TBC1D22A: variants seen among roughly 807,000 people sequenced by gnomAD.
TBC1D22A encodes the protein TBC1 domain family member 22A.
A neutral mutation model predicts 60.2 loss-of-function variants in TBC1D22A; 38 were observed. The ratio of observed to expected loss-of-function variants is 0.63; its 90% CI spans 0.49 to 0.83. The LOEUF (loss-of-function observed/expected upper bound fraction) is 0.83, where lower values mean the gene tolerates loss of function less well. TBC1D22A is among the 40% of genes least tolerant of loss of function. The probability of loss-of-function intolerance (pLI) is 0.00; values close to 1 mark genes in which losing one functional copy is unlikely to be tolerated. For missense variants in TBC1D22A, 628 were observed against 701.0 expected (o/e 0.90, Z 1.18); for synonymous variants, 302 against 281.7 (o/e 1.07, Z -0.72).
rs2069976613 is a variant in TBC1D22A at position 46,912,177 on chromosome 22, G to T, written c.1004G>T (p.Cys335Phe). ...LVTPFFVVFI[C>F]EYIEAEEVDT... Reference sequence around the variant, plus strand: ...ACTCCTTTCTTTGTGGTCTTCATTTGTGAATACATAGGTAAGATTTCTTGC... The same window carrying T: ...ACTCCTTTCTTTGTGGTCTTCATTTTTGAATACATAGGTAAGATTTCTTGC... The change falls in exon 8 of 13, where the codon TGT becomes TTT. Residue 335 changes from cysteine (C) to phenylalanine (F), a missense_variant. By Grantham distance (205) the Cys-to-Phe change is radical. Coordinates refer to ENST00000337137, the MANE Select transcript of TBC1D22A (RefSeq NM_014346.5). 2.5e-6 allele frequency: 4 copies of T among 1,612,226 alleles called. No homozygotes were observed. Among genetic ancestry groups the T allele is most frequent in the Non-Finnish European group, 3.4e-6 (4 of 1,178,622 alleles).
At chr22:47,025,904 A>C (rs892586800) in intron 10 of TBC1D22A, among the ~76,000 whole-genome samples, 2 of 152,138 alleles carry the variant, frequency 1.3e-5, no homozygotes, top group Non-Finnish European at 2.9e-5. Flanking sequence ...TATAGTGCTG[A>C]GTGTGTGAGA....
At chr22:47,080,203 A>T (rs2064406113) in intron 11 of TBC1D22A, among the ~76,000 whole-genome samples, 1 of 152,244 alleles carries the variant, frequency 6.6e-6, no homozygotes, top group South Asian at 2.1e-4. Flanking sequence ...TCAGTCATTG[A>T]TGGCATGAAG....
At chr22:46,930,622 ATTTTT>A (rs367772036) in intron 8 of TBC1D22A, among the ~76,000 whole-genome samples, 1 of 143,510 alleles carries the variant, frequency 7.0e-6, no homozygotes, top group Non-Finnish European at 1.5e-5. Context: ...CGCCTGGCTA[ATTTTT>A]TTTTTTTTTG....
chr22:47,112,830 TGTAA>T lies in TBC1D22A; in HGVS notation c.1425+1230_1425+1233del, dbSNP rs1421548787. ...TGCCTTGCCTCTCCCAGCCATGGTC[TGTAA>T]GTGAGTAGGGTGCACCTGGCCTGCC... On this transcript the variant is annotated intron_variant, in intron 12 of 12. Transcript: ENST00000337137. Among the ~76,000 whole-genome samples the T allele has an allele frequency of 3.3e-5, 5 of 152,224 alleles. No individual in the cohort carries two copies. The East Asian group carries it at 5.8e-4, about 18-fold the overall frequency.
chr22:46,910,072 A>G (rs928390045), intron 7 of TBC1D22A, among the ~76,000 whole-genome samples: 3 of 152,204 alleles, frequency 2.0e-5, no homozygotes, highest in Non-Finnish European at 4.4e-5. Flanking sequence ...TTGGTCTTTG[A>G]TGTTAAATAT....
At chr22:46,893,989 C>T (rs2068539036) in intron 6 of TBC1D22A, among the ~76,000 whole-genome samples, 1 of 152,210 alleles carries the variant, frequency 6.6e-6, no homozygotes, top group Non-Finnish European at 1.5e-5. Flanking sequence ...GTCCCAGCCT[C>T]CTGGGTGTTA....
At chr22:47,102,623 G>A (rs1569447666) in intron 11 of TBC1D22A, among the ~76,000 whole-genome samples, 1 of 152,152 alleles carries the variant, frequency 6.6e-6, no homozygotes, top group Non-Finnish European at 1.5e-5. Flanking sequence ...ATCCACTTAA[G>A]TGATGCCGTA....
chr22:46,902,953 CTGAA>C (rs2069112811), intron 7 of TBC1D22A, among the ~76,000 whole-genome samples: 1 of 151,070 alleles, frequency 6.6e-6, no homozygotes, highest in Non-Finnish European at 1.5e-5. Context: ...TCCAGGGTGG[CTGAA>C]AGAATTGGAG....
intron 11 of TBC1D22A, among the ~76,000 whole-genome samples, chr22:47,078,951 A>G (rs2064337264): frequency 6.6e-6 from 1 of 152,216 alleles, no homozygotes; most frequent in Non-Finnish European, 1.5e-5. Flanking sequence ...TCTCAGCTAC[A>G]GTGTCCTCAA....
intron 11 of TBC1D22A, among the ~76,000 whole-genome samples, chr22:47,092,760 A>G (rs1007335403): frequency 6.6e-5 from 10 of 152,212 alleles, no homozygotes; most frequent in Non-Finnish European, 8.8e-5. Flanking sequence ...TGAGGCTTTG[A>G]CGTATTAACT....
chr22:47,032,799 C>T lies in TBC1D22A; in HGVS notation c.1202-4272C>T, dbSNP rs140853761. Among the ~76,000 whole-genome samples the T allele has an allele frequency of 2.8e-3, 423 of 152,370 alleles. 1 individual carries two copies. The highest frequency in any genetic ancestry group is 9.6e-3 in the African/African-American group (399 of 41,598). ...ATTCACGCCAGTGCAAGGCGGCACC[C>T]ACTTGCTGCAGCCCAGACGTCCACG... On this transcript the variant is annotated intron_variant, in intron 10 of 12. Coordinates refer to ENST00000337137, the MANE Select transcript of TBC1D22A (RefSeq NM_014346.5).
chr22:47,158,812 G>A (rs554838565), intron 12 of TBC1D22A, among the ~76,000 whole-genome samples: 11 of 152,216 alleles, frequency 7.2e-5, no homozygotes, highest in Middle Eastern at 6.8e-3. Context: ...ACAGGGTCCC[G>A]CAGCCACCAG....
chr22:47,086,739 G>C (rs1360798040), intron 11 of TBC1D22A, among the ~76,000 whole-genome samples: 1 of 152,170 alleles, frequency 6.6e-6, no homozygotes, highest in East Asian at 1.9e-4. Context: ...CAGCCGGGAG[G>C]GGAGCACAGT....
At chr22:46,868,652 G>T (rs566456761) in intron 4 of TBC1D22A, among the ~76,000 whole-genome samples, 1 of 152,230 alleles carries the variant, frequency 6.6e-6, no homozygotes, top group African/African-American at 2.4e-5. Flanking sequence ...GCTGGTACTT[G>T]TCTTGATATT....
At chr22:47,078,032 T>G (rs559858614) in intron 11 of TBC1D22A, among the ~76,000 whole-genome samples, 1 of 152,314 alleles carries the variant, frequency 6.6e-6, no homozygotes, top group South Asian at 2.1e-4. Context: ...CACTTGAAAT[T>G]TACAGAACTT....
At chr22:46,861,216 C>T (rs1021404566) in intron 4 of TBC1D22A, among the ~76,000 whole-genome samples, 1 of 152,124 alleles carries the variant, frequency 6.6e-6, no homozygotes, top group Non-Finnish European at 1.5e-5. Context: ...GCCTCGGCTT[C>T]CCAAAGTGCT....
chr22:46,927,164 A>G (rs1222408521), intron 8 of TBC1D22A, among the ~76,000 whole-genome samples: 1 of 152,264 alleles, frequency 6.6e-6, no homozygotes, highest in Admixed American at 6.5e-5. Context: ...AGAAAATTAC[A>G]GAACAATATT....
chr22:46,917,073 C>T (rs1409678349), intron 8 of TBC1D22A, among the ~76,000 whole-genome samples: 1 of 152,124 alleles, frequency 6.6e-6, no homozygotes, highest in Non-Finnish European at 1.5e-5. Flanking sequence ...ACCCATGGGG[C>T]GGGCAGAGTG....
chr22:46,926,056 C>T (rs2071031030), intron 8 of TBC1D22A, among the ~76,000 whole-genome samples: 1 of 152,056 alleles, frequency 6.6e-6, no homozygotes, highest in African/African-American at 2.4e-5. Flanking sequence ...TTAGAACACA[C>T]CCTAAATAAC....
Sources: gnomAD v4.1 joint callset for allele counts (sites outside exome capture counted in the v4.1 genomes callset) on GRCh38, gnomAD v4.1.1 for gene constraint, MANE v1.5 for transcripts, NCBI Gene and HGNC (gene_info 2026-07-23, HGNC 2026-07-21) for gene names.